PEAK1: variants seen among roughly 807,000 people sequenced by gnomAD.
PEAK1 encodes the protein pseudopodium enriched atypical kinase 1, also known as inactive tyrosine-protein kinase PEAK1.
In PEAK1, 54 loss-of-function variants were observed where a neutral mutation model predicts 124.7. The observed-to-expected ratio is 0.43, with a 90% CI of 0.35 to 0.54. PEAK1 has a LOEUF of 0.54. Among genes scored for constraint, PEAK1 ranks in the 20% least tolerant of loss-of-function variants. PEAK1 has a pLI of 0.01. For missense variants in PEAK1, 2,046 were observed against 2,134.5 expected, an observed-to-expected ratio of 0.96 and a Z score of 0.82; for synonymous variants, 719 against 760.0, an observed-to-expected ratio of 0.95 and a Z score of 0.89.
intron 6 of PEAK1, among the ~76,000 whole-genome samples, chr15:77,195,033 A>C (rs1370136028): frequency 1.3e-5 from 2 of 152,158 alleles, no homozygotes; most frequent in African/African-American, 4.8e-5. Flanking sequence ...TGTATTTTGG[A>C]AAGATTTTTA....
chr15:77,404,747 A>G lies in PEAK1; in HGVS notation c.-666+15259T>C, dbSNP rs555420876. The G allele has an allele frequency of 1.2e-5, 11 of 951,738 alleles. No individual in the cohort carries two copies. In the African/African-American group the frequency reaches 1.8e-4, roughly 15 times the overall value. 59.0% of individuals were successfully genotyped at this position (951,738 alleles called of 1,614,324 possible). A position where few individuals can be genotyped will look rare whatever the true frequency, so the allele number is the denominator to read the frequency against. On this transcript the variant is annotated intron_variant, in intron 1 of 9. Coordinates refer to ENST00000682557, the MANE Select transcript of PEAK1 (RefSeq NM_001385026.1). The stretch of plus-strand genomic sequence containing the variant: ...GTAGGATTTATTAATGATAAAGTCT[A>G]TGATACATTATCAGAAAAAAAGAGC...
intron 5 of PEAK1, among the ~76,000 whole-genome samples, chr15:77,258,911 A>G (rs1405176516): frequency 6.6e-6 from 1 of 152,146 alleles, no homozygotes; most frequent in Non-Finnish European, 1.5e-5. Context: ...TCAATACCTA[A>G]TTTATTGAGA....
chr15:77,320,174 C>T (rs377088299), intron 2 of PEAK1, among the ~76,000 whole-genome samples: 5 of 152,058 alleles, frequency 3.3e-5, no homozygotes, highest in African/African-American at 1.2e-4. Flanking sequence ...TCTTTATTGC[C>T]CAGTGTCCCT....
rs930969464 is a variant in PEAK1, at chr15:77,173,760, T to C, written c.3137+5030A>G. ...TTGCCACCAACCTCACCTCTGTGAC[T>C]TTGCATATATTGTTGCTTTGGCCTA... On this transcript the variant is annotated intron_variant, in intron 7 of 9. Coordinates refer to ENST00000682557, the MANE Select transcript of PEAK1 (RefSeq NM_001385026.1). 2.6e-5 allele frequency among the ~76,000 whole-genome samples: 4 copies of C among 152,336 alleles called. No individual in the cohort carries two copies. In the South Asian group the frequency reaches 8.3e-4, roughly 32 times the overall value.
chr15:77,181,800 C>G lies in PEAK1; in HGVS notation c.127G>C (p.Val43Leu), dbSNP rs755281405. 5.6e-6 allele frequency: 9 copies of G among 1,614,114 alleles called. No homozygotes were observed. The East Asian group carries it at 2.0e-4, about 36-fold the overall frequency. Residue 43 changes from valine (V) to leucine (L), a missense_variant, in exon 7 of 10, where the codon GTG becomes CTG. Val to Leu is a conservative substitution (Grantham distance 32). Coordinates refer to ENST00000682557, the MANE Select transcript of PEAK1 (RefSeq NM_001385026.1). ...TTACTGTGATTGGCATTAGTTTTCA[C>G]ATTGCCATGGGTGATGGGTGCCTTC... The part of the protein sequence containing the change: ...PEKAPITHGN[V>L]KTNANHSNNH...
intron 6 of PEAK1, among the ~76,000 whole-genome samples, chr15:77,194,911 G>C (rs534367984): frequency 6.6e-6 from 1 of 152,244 alleles, no homozygotes; most frequent in Admixed American, 6.5e-5. Flanking sequence ...CTATATTTTA[G>C]AATAGCACTG....
intron 9 of PEAK1, among the ~76,000 whole-genome samples, chr15:77,115,866 C>T (rs2051322906): frequency 6.6e-6 from 1 of 152,122 alleles, no homozygotes; most frequent in Non-Finnish European, 1.5e-5. Flanking sequence ...GTGGGTTTTC[C>T]TAACTTTTCA....
intron 2 of PEAK1, among the ~76,000 whole-genome samples, chr15:77,295,659 T>A (rs926386475): frequency 6.6e-6 from 1 of 152,230 alleles, no homozygotes; most frequent in Non-Finnish European, 1.5e-5. Context: ...CAGTATTACA[T>A]AATGCACCAT....
intron 1 of PEAK1, among the ~76,000 whole-genome samples, chr15:77,380,164 C>T (rs971622053): frequency 8.5e-5 from 13 of 152,118 alleles, no homozygotes; most frequent in Admixed American, 4.6e-4. Context: ...TTTTCTTCCA[C>T]CAAAAGCAAA....
At chr15:77,195,696 G>T (rs1270195076) in intron 6 of PEAK1, among the ~76,000 whole-genome samples, 1 of 152,090 alleles carries the variant, frequency 6.6e-6, no homozygotes, top group Non-Finnish European at 1.5e-5. Flanking sequence ...GATTTTAATT[G>T]GTGTGCACCA....
In PEAK1 at chr15:77,113,153, T is replaced by C. The variant is rs1181423483; in HGVS notation, c.*1003A>G. ...TGACAGCTATTTCATTCAGGGCAAT[T>C]GTTTACAGCATTTGGTAAACTAGTT... On this transcript the variant is annotated 3_prime_UTR_variant, in exon 10 of 10. Coordinates refer to ENST00000682557, the MANE Select transcript of PEAK1 (RefSeq NM_001385026.1). 6.6e-6 allele frequency: 1 copy of C among 152,430 alleles called. No individual in the cohort carries two copies. The highest frequency in any genetic ancestry group is 3.4e-3 in the Middle Eastern group (1 of 294). The allele number at this position is 152,430 out of a possible 1,614,324, so 9.4% of individuals were successfully genotyped here.
chr15:77,164,030 C>T lies in PEAK1; in HGVS notation c.3138-5334G>A, dbSNP rs139890351. 2.4e-3 allele frequency among the ~76,000 whole-genome samples: 365 copies of T among 152,262 alleles called. 2 individuals are homozygous for T. Among genetic ancestry groups the T allele is most frequent in the African/African-American group, 8.1e-3 (338 of 41,526 alleles). The stretch of plus-strand genomic sequence containing the variant: ...AAAGGAGAGTTCAAAGTTATCAAAT[C>T]TCACACCTTTGTAATCTACTGAAAG... On this transcript the variant is annotated intron_variant, in intron 7 of 9. Coordinates refer to ENST00000682557, the MANE Select transcript of PEAK1 (RefSeq NM_001385026.1).
intron 2 of PEAK1, among the ~76,000 whole-genome samples, chr15:77,363,454 C>T (rs781423873): frequency 9.8e-5 from 15 of 152,292 alleles, no homozygotes; most frequent in Non-Finnish European, 1.9e-4. Flanking sequence ...TCCACTCTGA[C>T]TCAGTACCTT....
chr15:77,243,333 C>T (rs1467212744), intron 6 of PEAK1, among the ~76,000 whole-genome samples: 2 of 152,220 alleles, frequency 1.3e-5, no homozygotes, highest in Non-Finnish European at 2.9e-5. Flanking sequence ...ATATCATAAG[C>T]TCCTGTTTTG....
intron 7 of PEAK1, among the ~76,000 whole-genome samples, chr15:77,161,306 C>G (rs917304481): frequency 6.6e-6 from 1 of 152,202 alleles, no homozygotes; most frequent in African/African-American, 2.4e-5. Flanking sequence ...TTGACCCTTA[C>G]CTTACTGGTT....
intron 6 of PEAK1, among the ~76,000 whole-genome samples, chr15:77,234,084 T>C (rs1338630867): frequency 6.6e-6 from 1 of 152,140 alleles, no homozygotes; most frequent in Non-Finnish European, 1.5e-5. Flanking sequence ...CTGGCTGGTC[T>C]TGAACTCCTA....
At chr15:77,420,245 G>A (rs890742754), upstream of PEAK1, 20 of 150,504 alleles carry the variant, frequency 1.3e-4, no homozygotes, top group Admixed American at 3.3e-4. Context: ...CCCGCTCGCC[G>A]CGCTCCTGGA....
At chr15:77,333,310 T>G in intron 2 of PEAK1, 1 of 972,736 alleles carries the variant, frequency 1.0e-6, no homozygotes, top group Non-Finnish European at 1.2e-6. Flanking sequence ...TGTTATTATT[T>G]GTTTAATTTT....
chr15:77,370,301 A>G (rs574218388), intron 1 of PEAK1, among the ~76,000 whole-genome samples: 1 of 152,282 alleles, frequency 6.6e-6, no homozygotes, highest in African/African-American at 2.4e-5. Context: ...CTTATAATCC[A>G]ATAGGAAACA....
Sources: gnomAD v4.1 joint callset for allele counts (sites outside exome capture counted in the v4.1 genomes callset) on GRCh38, gnomAD v4.1.1 for gene constraint, MANE v1.5 for transcripts, NCBI Gene and HGNC (gene_info 2026-07-23, HGNC 2026-07-21) for gene names.